HYAL3: variants seen among roughly 807,000 people sequenced by gnomAD.
HYAL3 encodes hyaluronidase 3, also known as hyaluronidase-3.
Under a neutral mutation model 29.6 loss-of-function variants are expected in HYAL3, and 25 were observed. The ratio of observed to expected loss-of-function variants is 0.85; its 90% CI spans 0.62 to 1.18. HYAL3 has a LOEUF of 1.18. HYAL3 is among the 50% of genes most tolerant of loss of function. The pLI is 0.00. For missense variants in HYAL3, 442 were observed against 548.4 expected (o/e 0.81, Z 1.94); for synonymous variants, 215 against 218.3 (o/e 0.99, Z 0.13).
chr3:50,294,770 G>C lies in HYAL3; in HGVS notation c.833C>G (p.Pro278Arg), dbSNP rs1701774642. ...GCGGACATAGGCCAGGACAGGCAGG[G>C]GATGTCGGTGCCCAACAAGGGCCAC... ...FRVALVGHRH[P>R]LPVLAYVRLT... The change falls in exon 2 of 4, where the codon CCC becomes CGC. Residue 278 changes from proline (P) to arginine (R), a missense_variant. Coordinates refer to ENST00000336307, the MANE Select transcript of HYAL3 (RefSeq NM_003549.4). 2 of 1,514,626 alleles carry C rather than the reference G, an allele frequency of 1.3e-6. No individual in the cohort carries two copies. Among genetic ancestry groups the C allele is most frequent in the African/African-American group, 2.8e-5 (2 of 71,790 alleles). The allele number at this position is 1,514,626 out of a possible 1,614,324, so 93.8% of individuals were successfully genotyped here. A position where few individuals can be genotyped will look rare whatever the true frequency, so the allele number is the denominator to read the frequency against.
chr3:50,294,403 G>A (rs1412541918), intron 2 of HYAL3, among the ~76,000 whole-genome samples: 1 of 152,200 alleles, frequency 6.6e-6, no homozygotes, highest in Non-Finnish European at 1.5e-5. Context: ...AAAGTACTGG[G>A]ATTATAGGTG....
In HYAL3 at chr3:50,295,100, T is replaced by C. The variant is rs782230684; in HGVS notation, c.503A>G (p.Lys168Arg). Residue 168 changes from lysine to arginine, a missense_variant, in exon 2 of 4, where the codon AAG becomes AGG. Physicochemically the swap from Lys to Arg is conservative, Grantham distance 26. Coordinates refer to ENST00000336307, the MANE Select transcript of HYAL3 (RefSeq NM_003549.4). ...PDLDPQEQLYKAYTGFEQAAR... is the reference protein window; with the variant it reads ...PDLDPQEQLYRAYTGFEQAAR... ...CGCCTGCTCAAAGCCAGTATAGGCC[T>C]TGTAGAGCTGCTCCTGAGGGTCCAG... is the stretch of plus-strand genomic sequence containing the variant. 2 of 1,613,582 alleles carry C rather than the reference T, an allele frequency of 1.2e-6. No homozygotes were observed. The highest frequency in any genetic ancestry group is 1.7e-5 in the Admixed American group (1 of 60,020).
chr3:50,296,363 G>A (rs1701839242), intron 1 of HYAL3: 3 of 555,752 alleles, frequency 5.4e-6, no homozygotes, highest in Non-Finnish European at 6.3e-6. Flanking sequence ...GAGGTGAGAG[G>A]TGAGGGTAGG....
At chr3:50,296,510 G>A in intron 1 of HYAL3, 1 of 1,425,234 alleles carries the variant, frequency 7.0e-7, no homozygotes, top group Non-Finnish European at 9.6e-7. Context: ...CCCCCCAGGG[G>A]CTAGGGGCTG....
rs782784164 is a variant in HYAL3, at chr3:50,297,397, G to A, written c.-17-1778C>T. 6.2e-7 allele frequency: 1 copy of A among 1,613,466 alleles called. No individual in the cohort carries two copies. Among genetic ancestry groups the A allele is most frequent in the Non-Finnish European group, 8.5e-7 (1 of 1,179,722 alleles). On this transcript the variant is annotated intron_variant, in intron 1 of 3. Transcript: ENST00000336307. This position sits in a 1 kb window ranked among gnomAD's most constrained non-coding sequence, Gnocchi z 4.3. ...TCTGGTTGGCATGTGGAATCCAGGG[G>A]CAGCTTTGGCTGGCACGCAGGATCC...
At chr3:50,298,139 C>G in intron 1 of HYAL3, 1 of 976,710 alleles carries the variant, frequency 1.0e-6, no homozygotes, top group Non-Finnish European at 1.2e-6. Flanking sequence ...CTCAAACCTA[C>G]CCAAGGTTCC....
chr3:50,294,703 A>G lies in HYAL3; in HGVS notation c.894+6T>C. The G allele has an allele frequency of 6.7e-7, 1 of 1,500,366 alleles. No individual in the cohort carries two copies. The highest frequency in any genetic ancestry group is 1.4e-5 in the South Asian group (1 of 71,118). 92.9% of individuals were successfully genotyped at this position (1,500,366 alleles called of 1,614,324 possible). On this transcript the variant is annotated splice_donor_region_variant and intron_variant, in intron 2 of 3. Coordinates refer to ENST00000336307, the MANE Select transcript of HYAL3 (RefSeq NM_003549.4). ...CTCAGACCCCTAGACCTCAGCTTCC[A>G]CTTACCTGGGACAGGAACCTCCCAG...
In HYAL3 at chr3:50,293,228, G is replaced by A; in HGVS notation, c.*18C>T. The A allele has an allele frequency of 1.2e-6, 2 of 1,613,054 alleles. No homozygotes were observed. Among genetic ancestry groups the A allele is most frequent in the Non-Finnish European group, 1.7e-6 (2 of 1,180,014 alleles). On this transcript the variant is annotated 3_prime_UTR_variant, in exon 4 of 4. Transcript: ENST00000336307. ...GTGGCAGCAGGGAAAAGAAGAGGCAGTGGCAGGGGCCCTGGCTTTATACTG... is the reference window on the plus strand; with the variant it reads ...GTGGCAGCAGGGAAAAGAAGAGGCAATGGCAGGGGCCCTGGCTTTATACTG...
In HYAL3 at chr3:50,297,133, G is replaced by T. The variant is rs587643318; in HGVS notation, c.-17-1514C>A. ...ACGGGTGCTGCTTCAAGTGTGGGGTGGGGGCTTAGCAGCATCAGGCAGAGG... is the reference window on the plus strand; with the variant it reads ...ACGGGTGCTGCTTCAAGTGTGGGGTTGGGGCTTAGCAGCATCAGGCAGAGG... On this transcript the variant is annotated intron_variant, in intron 1 of 3. Transcript: ENST00000336307. The surrounding 1 kb of genome is among the most constrained non-coding windows in gnomAD (Gnocchi z 4.3). 27 of 1,577,126 alleles carry T rather than the reference G, an allele frequency of 1.7e-5. No individual in the cohort carries two copies. In the Middle Eastern group the frequency reaches 1.7e-3, roughly 99 times the overall value.
Position 50,293,147 on chromosome 3 carries a change from T to C in HYAL3, c.*99A>G, listed in dbSNP as rs782080403. On this transcript the variant is annotated 3_prime_UTR_variant, in exon 4 of 4. Transcript: ENST00000336307. ...GAAGCGGGGTGTGTGCTTGGGAGGG[T>C]TGACTGTAAACTGAATAGAGCAAGA... 7 of 1,569,128 alleles carry C rather than the reference T, an allele frequency of 4.5e-6. No homozygotes were observed. Among genetic ancestry groups the C allele is most frequent in the Non-Finnish European group, 6.1e-6 (7 of 1,141,580 alleles).
chr3:50,295,708 C>G, intron 1 of HYAL3, 89 bp from the exon 2 acceptor site: 1 of 1,151,536 alleles, frequency 8.7e-7, no homozygotes, highest in Non-Finnish European at 1.2e-6. Context: ...GCTCCCCCAG[C>G]TCCTCCCCAT....
intron 1 of HYAL3, among the ~76,000 whole-genome samples, chr3:50,296,151 G>A (rs1380591485): frequency 2.6e-5 from 4 of 152,210 alleles, no homozygotes; most frequent in Non-Finnish European, 5.9e-5. Context: ...TGTTTGTCTA[G>A]TTACCCATTG....
Position 50,292,908 on chromosome 3 carries a change from T to C in HYAL3, c.*338A>G, listed in dbSNP as rs1701714034. 1 of 1,499,802 alleles carries C rather than the reference T, an allele frequency of 6.7e-7. No homozygotes were observed. Among genetic ancestry groups the C allele is most frequent in the Non-Finnish European group, 9.0e-7 (1 of 1,117,282 alleles). 92.9% of individuals were successfully genotyped at this position (1,499,802 alleles called of 1,614,324 possible). On this transcript the variant is annotated 3_prime_UTR_variant, in exon 4 of 4. Transcript: ENST00000336307. ...CTTTACCGACCTTCGCCAAGATTTT[T>C]TGGGGCCCATCTGCCCGTGCACGGC...
At chr3:50,294,241 A>G (rs139985952) in intron 2 of HYAL3, among the ~76,000 whole-genome samples, 30 of 151,906 alleles carry the variant, frequency 2.0e-4, no homozygotes, top group African/African-American at 5.8e-4. Context: ...TGAAGGCCGC[A>G]GTGAGCTGAG....
At chr3:50,294,278 C>T (rs2109282872) in intron 2 of HYAL3, among the ~76,000 whole-genome samples, 1 of 152,256 alleles carries the variant, frequency 6.6e-6, no homozygotes, top group East Asian at 1.9e-4. Flanking sequence ...CCAGCCTGGG[C>T]AACAGAGCAA....
intron 2 of HYAL3, among the ~76,000 whole-genome samples, chr3:50,294,054 C>T (rs1366706656): frequency 6.6e-6 from 1 of 152,198 alleles, no homozygotes; most frequent in African/African-American, 2.4e-5. Flanking sequence ...TAATCCCACA[C>T]TTTGGGAGGC....
chr3:50,292,904 T>A lies in HYAL3; in HGVS notation c.*342A>T, dbSNP rs1166161953. ...AGCACTTTACCGACCTTCGCCAAGA[T>A]TTTTTGGGGCCCATCTGCCCGTGCA... On this transcript the variant is annotated 3_prime_UTR_variant, in exon 4 of 4. Transcript: ENST00000336307. 2.0e-6 allele frequency: 3 copies of A among 1,490,288 alleles called. No individual in the cohort carries two copies. Among genetic ancestry groups the A allele is most frequent in the African/African-American group, 1.4e-5 (1 of 72,494 alleles). The allele number at this position is 1,490,288 out of a possible 1,614,324, so 92.3% of individuals were successfully genotyped here.
Position 50,295,029 on chromosome 3 carries a change from G to A in HYAL3, c.574C>T (p.Arg192Trp), listed in dbSNP as rs137937192. 172 of 1,613,242 alleles carry A rather than the reference G, an allele frequency of 1.1e-4. No individual in the cohort carries two copies. The highest frequency in any genetic ancestry group is 2.2e-4 in the South Asian group (20 of 91,088). Residue 192 changes from arginine (R) to tryptophan (W), a missense_variant, in exon 2 of 4, where the codon CGG becomes TGG. Arg to Trp is a moderately radical substitution (Grantham distance 101, BLOSUM62 -3). Transcript: ENST00000336307. ...EDTLRVAQAL[R>W]PHGLWGFYHY... ...TAGAAGCCCCAGAGTCCATGGGGCC[G>A]TAGTGCCTGGGCCACCCGCAGCGTA...
In HYAL3 at chr3:50,297,232, G is replaced by A. The variant is rs1245395347; in HGVS notation, c.-17-1613C>T. 3.7e-6 allele frequency: 6 copies of A among 1,612,474 alleles called. No individual in the cohort carries two copies. The highest frequency in any genetic ancestry group is 1.3e-5 in the African/African-American group (1 of 74,888). Reference sequence around the variant, plus strand: ...CTGCGGGGCCACTGATCATTGATGAGGTCAGCACAAGCATCCAGGAGCTCG... The same window carrying A: ...CTGCGGGGCCACTGATCATTGATGAAGTCAGCACAAGCATCCAGGAGCTCG... On this transcript the variant is annotated intron_variant, in intron 1 of 3. Coordinates refer to ENST00000336307, the MANE Select transcript of HYAL3 (RefSeq NM_003549.4). This position sits in a 1 kb window ranked among gnomAD's most constrained non-coding sequence, Gnocchi z 4.3.
Sources: allele counts gnomAD v4.1 joint callset (sites outside exome capture counted in the v4.1 genomes callset), GRCh38; gene constraint gnomAD v4.1.1; non-coding constraint Gnocchi (gnomAD v3.1); transcripts MANE v1.5; gene names NCBI Gene and HGNC (gene_info 2026-07-23, HGNC 2026-07-21).